TMPO: variants seen among roughly 807,000 people sequenced by gnomAD.
TMPO encodes LEM domain containing 4.
In TMPO, 22 loss-of-function variants were observed where a neutral mutation model predicts 45.4. The observed-to-expected ratio is 0.48, with a 90% CI of 0.35 to 0.69. The LOEUF (loss-of-function observed/expected upper bound fraction) is 0.69, where lower values mean the gene tolerates loss of function less well. Among genes scored for constraint, TMPO ranks in the 30% least tolerant of loss-of-function variants. TMPO has a pLI of 0.01. For missense variants in TMPO, 512 were observed against 548.8 expected, an observed-to-expected ratio of 0.93 and a Z score of 0.67; for synonymous variants, 241 against 204.1, an observed-to-expected ratio of 1.18 and a Z score of -1.54.
chr12:98,516,162 C>G lies in TMPO; in HGVS notation c.279+16C>G. ...CGTCGGCAGGGTAAGGACGCGGGGC[C>G]GGGGCTACAAAGGCGGGCGTTTGGC... On this transcript the variant is annotated intron_variant, in intron 1 of 8. Transcript: ENST00000556029. 2 of 1,375,482 alleles carry G rather than the reference C, an allele frequency of 1.5e-6. No homozygotes were observed. The highest frequency in any genetic ancestry group is 1.9e-6 in the Non-Finnish European group (2 of 1,071,272). 85.2% of individuals were successfully genotyped at this position (1,375,482 alleles called of 1,614,324 possible). A position where few individuals can be genotyped will look rare whatever the true frequency, so the allele number is the denominator to read the frequency against.
chr12:98,534,841 T>C, intron 3 of TMPO: 1 of 1,003,194 alleles, frequency 1.0e-6, no homozygotes, highest in East Asian at 1.0e-4. Flanking sequence ...TTCTTTGTTA[T>C]TTATTCATGT....
chr12:98,516,304 G>C, intron 1 of TMPO, 158 bp downstream of exon 1: 2 of 1,233,898 alleles, frequency 1.6e-6, no homozygotes, highest in Non-Finnish European at 2.0e-6. Context: ...CCGCGGGGCT[G>C]CAGGCGCCGG....
At chr12:98,531,545 G>A in intron 2 of TMPO, 135 bp from the exon 3 acceptor site, 2 of 944,396 alleles carry the variant, frequency 2.1e-6, no homozygotes, top group Non-Finnish European at 3.3e-6. Flanking sequence ...GCATTATATG[G>A]TATTTTTTTT....
chr12:98,531,973 G>A (rs1877227207), intron 3 of TMPO, 135 bp downstream of exon 3: 1 of 686,484 alleles, frequency 1.5e-6, no homozygotes. Context: ...GAGTAATTCT[G>A]TAATTTGATT....
At chr12:98,535,345 T>G in intron 3 of TMPO, 1 of 984,882 alleles carries the variant, frequency 1.0e-6, no homozygotes, top group Non-Finnish European at 1.2e-6. Context: ...CAGTGTATTA[T>G]CATGTTTTCA....
At chr12:98,543,435 G>A (rs1878044223) in intron 4 of TMPO, among the ~76,000 whole-genome samples, 1 of 152,154 alleles carries the variant, frequency 6.6e-6, no homozygotes, top group Non-Finnish European at 1.5e-5. Context: ...TGATTGATAG[G>A]CACATTACAA....
At chr12:98,547,473 T>C in intron 8 of TMPO, 100 bp from the exon 9 acceptor site, 1 of 1,395,432 alleles carries the variant, frequency 7.2e-7, no homozygotes, top group Non-Finnish European at 1.0e-6. Context: ...CCTCAGGGAA[T>C]GTGCTTGGAA....
At chr12:98,528,628 A>C (rs1876960588) in intron 2 of TMPO, among the ~76,000 whole-genome samples, 1 of 151,658 alleles carries the variant, frequency 6.6e-6, no homozygotes, top group South Asian at 2.1e-4. Flanking sequence ...AATTGAGGAA[A>C]ATCTGAGGTA....
rs1565804759 is a variant in TMPO at position 98,521,099 on chromosome 12, A to ATTTTTTTTTTTTTTT, written c.279+4953_279+4954insTTTTTTTTTTTTTTT. Among the ~76,000 whole-genome samples the ATTTTTTTTTTTTTTT allele has an allele frequency of 2.3e-4, 21 of 93,054 alleles. 1 individual carries two copies. The highest frequency in any genetic ancestry group is 7.3e-4 in the African/African-American group (18 of 24,816). The allele number at this position is 93,054 out of a possible 152,430, so 61.0% of individuals were successfully genotyped here. A position where few individuals can be genotyped will look rare whatever the true frequency, so the allele number is the denominator to read the frequency against. On this transcript the variant is annotated intron_variant, in intron 1 of 8. Transcript: ENST00000556029. ...TCTATTTAATCATGGGTTTATGAGG[A>ATTTTTTTTTTTTTTT]ATTTTTTTTTTTTTTTTTTTTTTTT...
chr12:98,533,055 G>A (rs1300004049), intron 3 of TMPO: 2 of 1,613,694 alleles, frequency 1.2e-6, no homozygotes, highest in African/African-American at 2.7e-5. Flanking sequence ...GCAGGGGACA[G>A]TTGCAGAAGT....
rs750881740 is a variant in TMPO at position 98,547,890 on chromosome 12, T to G, written c.*32T>G. ...TCTCTTTGGCACGTTCAACTTGGTC[T>G]CCTATTTTCAATAACTGTTGAAAAA... On this transcript the variant is annotated 3_prime_UTR_variant, in exon 9 of 9. Transcript: ENST00000556029. 1.2e-6 allele frequency: 2 copies of G among 1,610,254 alleles called. No individual in the cohort carries two copies. Among genetic ancestry groups the G allele is most frequent in the South Asian group, 2.2e-5 (2 of 90,016 alleles).
At chr12:98,536,384 G>A (rs1202559060) in intron 3 of TMPO, among the ~76,000 whole-genome samples, 2 of 150,226 alleles carry the variant, frequency 1.3e-5, no homozygotes, top group Admixed American at 1.3e-4. Context: ...ATGAAGTTTC[G>A]CTCTTGTCCC....
At chr12:98,528,251 C>CTTTTTTTTTTTTTTTTTTGTTTTTTTT (rs72519624) in intron 2 of TMPO, among the ~76,000 whole-genome samples, 1 of 131,398 alleles carries the variant, frequency 7.6e-6, no homozygotes. Flanking sequence ...TTATATCGTA[C>CTTTTTTTTTTTTTTTTTTGTTTTTTTT]TTTTTTTTTT....
intron 3 of TMPO, chr12:98,532,751 C>T (rs954161743): frequency 1.9e-6 from 3 of 1,610,170 alleles, no homozygotes; most frequent in African/African-American, 1.3e-5. Flanking sequence ...CTATTTTTAG[C>T]AAAGAGGCAA....
Position 98,548,004 on chromosome 12 carries a change from TA to T in TMPO, c.*147del. The stretch of plus-strand genomic sequence containing the variant: ...GTATTTCATTGAAAAGCAAACAAAA[TA>T]TATATAAATGGACTTCATTAAAATG... On this transcript the variant is annotated 3_prime_UTR_variant, in exon 9 of 9. Coordinates refer to ENST00000556029, the MANE Select transcript of TMPO (RefSeq NM_001032283.3). 1.1e-6 allele frequency: 1 copy of T among 900,304 alleles called. No homozygotes were observed. Among genetic ancestry groups the T allele is most frequent in the South Asian group, 1.7e-5 (1 of 59,230 alleles). The allele number at this position is 900,304 out of a possible 1,614,324, so 55.8% of individuals were successfully genotyped here.
At chr12:98,519,612 G>A (rs768675452) in intron 1 of TMPO, among the ~76,000 whole-genome samples, 1 of 152,090 alleles carries the variant, frequency 6.6e-6, no homozygotes, top group Non-Finnish European at 1.5e-5. Context: ...ATAATTACAG[G>A]TTTAAATGTC....
intron 2 of TMPO, among the ~76,000 whole-genome samples, chr12:98,530,945 C>G (rs746617195): frequency 2.5e-4 from 38 of 152,308 alleles, no homozygotes; most frequent in Middle Eastern, 3.4e-3. Context: ...AATGTCATTT[C>G]CCAAAAAACC....
intron 1 of TMPO, among the ~76,000 whole-genome samples, chr12:98,527,197 T>C (rs1876827171): frequency 6.6e-6 from 1 of 151,616 alleles, no homozygotes; most frequent in Admixed American, 6.6e-5. Context: ...AGAAATGAAA[T>C]ATAATTTTTG....
At chr12:98,542,576 C>CTCTGG (rs1265023862) in intron 4 of TMPO, among the ~76,000 whole-genome samples, 82 of 151,892 alleles carry the variant, frequency 5.4e-4, no homozygotes, top group Non-Finnish European at 9.4e-4. Context: ...AAACCACTTA[C>CTCTGG]TCTGGCCAGG....
Sources: gnomAD v4.1 joint callset for allele counts (sites outside exome capture counted in the v4.1 genomes callset) on GRCh38, gnomAD v4.1.1 for gene constraint, MANE v1.5 for transcripts, NCBI Gene and HGNC (gene_info 2026-07-23, HGNC 2026-07-21) for gene names.